Variants in CDH13 observed in about 807,000 individuals in gnomAD.
CDH13 encodes cadherin 13.
A neutral mutation model predicts 63.8 loss-of-function variants in CDH13; 24 were observed. That is an observed-to-expected ratio of 0.38 (90% CI 0.27 to 0.53). CDH13 has a LOEUF of 0.53. CDH13 is among the 20% of genes least tolerant of loss of function. The pLI is 0.85. For missense variants in CDH13, 1,049 were observed against 903.1 expected (o/e 1.16, Z -2.07); for synonymous variants, 503 against 355.3 (o/e 1.42, Z -4.67).
chr16:83,337,447 T>A (rs773778409), intron 5 of CDH13, among the ~76,000 whole-genome samples: 95 of 152,040 alleles, frequency 6.2e-4, no homozygotes, highest in Non-Finnish European at 1.2e-3. Context: ...GCTAACAACC[T>A]AGTGCCCATC....
chr16:82,889,365 C>A (rs540260887), intron 2 of CDH13, among the ~76,000 whole-genome samples: 30 of 151,932 alleles, frequency 2.0e-4, no homozygotes, highest in African/African-American at 7.2e-4. Context: ...TATCTAAAAT[C>A]TATCTATAAT....
intron 6 of CDH13, among the ~76,000 whole-genome samples, chr16:83,371,951 G>A (rs1158880019): frequency 2.0e-5 from 3 of 152,182 alleles, no homozygotes; most frequent in African/African-American, 4.8e-5. Context: ...CCCCCGGACC[G>A]TATATACAGA....
At chr16:82,849,437 G>T (rs984667797) in intron 1 of CDH13, among the ~76,000 whole-genome samples, 1 of 152,132 alleles carries the variant, frequency 6.6e-6, no homozygotes, top group Non-Finnish European at 1.5e-5. Context: ...GGGAGTAGGA[G>T]GTTTCAGTGA....
At chr16:83,248,315 C>A (rs1407448080) in intron 5 of CDH13, among the ~76,000 whole-genome samples, 1 of 152,052 alleles carries the variant, frequency 6.6e-6, no homozygotes, top group Non-Finnish European at 1.5e-5. Context: ...AAAATCCTAC[C>A]CTCTAGCTAT....
chr16:83,102,507 G>A (rs1016210989), intron 3 of CDH13, among the ~76,000 whole-genome samples: 1 of 152,138 alleles, frequency 6.6e-6, no homozygotes, highest in Non-Finnish European at 1.5e-5. Context: ...GAGTGCAGAT[G>A]ACATGAGATT....
intron 7 of CDH13, among the ~76,000 whole-genome samples, chr16:83,583,861 G>A (rs1409749755): frequency 6.6e-6 from 1 of 152,134 alleles, no homozygotes; most frequent in Admixed American, 6.5e-5. Flanking sequence ...AGGTTGCAGT[G>A]AGCTGAGATC....
intron 6 of CDH13, among the ~76,000 whole-genome samples, chr16:83,438,182 T>G (rs1183014759): frequency 6.6e-6 from 1 of 152,228 alleles, no homozygotes; most frequent in Non-Finnish European, 1.5e-5. Flanking sequence ...CAGGAGAGCC[T>G]GAGGGACTTG....
chr16:83,741,821 C>A (rs768267352), intron 10 of CDH13, among the ~76,000 whole-genome samples: 1 of 149,838 alleles, frequency 6.7e-6, no homozygotes, highest in Non-Finnish European at 1.5e-5. Flanking sequence ...ACGGCCCCAA[C>A]CCCTGGGCCA....
At chr16:83,472,364 T>C (rs1403846600) in intron 6 of CDH13, among the ~76,000 whole-genome samples, 1 of 152,210 alleles carries the variant, frequency 6.6e-6, no homozygotes, top group Non-Finnish European at 1.5e-5. Context: ...CAACCCAGAC[T>C]TTCTTTAACA....
At chr16:83,476,949 G>A (rs1048768577) in intron 6 of CDH13, among the ~76,000 whole-genome samples, 1 of 152,058 alleles carries the variant, frequency 6.6e-6, no homozygotes, top group Non-Finnish European at 1.5e-5. Flanking sequence ...AAAAGATTAA[G>A]TGGAATTTTT....
intron 5 of CDH13, among the ~76,000 whole-genome samples, chr16:83,234,715 C>G (rs566114266): frequency 3.3e-5 from 5 of 152,318 alleles, no homozygotes; most frequent in South Asian, 4.1e-4. Context: ...CTACCCCCAG[C>G]CCCTCTGGAG....
intron 1 of CDH13, among the ~76,000 whole-genome samples, chr16:82,680,205 G>T (rs1223403754): frequency 6.6e-6 from 1 of 152,196 alleles, no homozygotes; most frequent in African/African-American, 2.4e-5. Flanking sequence ...ACCAAGAGAG[G>T]GGAATGTGGG....
At chr16:83,092,271 A>G (rs546488621) in intron 3 of CDH13, among the ~76,000 whole-genome samples, 1 of 152,340 alleles carries the variant, frequency 6.6e-6, no homozygotes, top group South Asian at 2.1e-4. Context: ...CAAGTCCAGT[A>G]GGGTCTGCCT....
chr16:83,131,587 C>A (rs746895961), intron 4 of CDH13, among the ~76,000 whole-genome samples: 2 of 151,970 alleles, frequency 1.3e-5, no homozygotes, highest in African/African-American at 4.8e-5. Context: ...TTCTTGGGCC[C>A]GATTGATTGA....
intron 1 of CDH13, among the ~76,000 whole-genome samples, chr16:82,701,426 A>T (rs908596867): frequency 3.9e-5 from 6 of 152,124 alleles, no homozygotes; most frequent in Non-Finnish European, 7.3e-5. Context: ...ATGCATTGTC[A>T]TTCTGTCTTC....
intron 2 of CDH13, among the ~76,000 whole-genome samples, chr16:82,890,365 AC>A (rs1458912334): frequency 1.3e-5 from 2 of 152,174 alleles, no homozygotes; most frequent in African/African-American, 4.8e-5. Flanking sequence ...ATCACTCACC[AC>A]CATCTCCAGC....
chr16:82,905,111 C>T (rs577525328), intron 2 of CDH13, among the ~76,000 whole-genome samples: 1 of 152,268 alleles, frequency 6.6e-6, no homozygotes, highest in South Asian at 2.1e-4. Flanking sequence ...TAGGGGGAAG[C>T]AGAGGCAGTG....
At chr16:83,381,578 C>G (rs36108972) in intron 6 of CDH13, among the ~76,000 whole-genome samples, 23,427 of 151,920 alleles carry the variant, frequency 0.15, 2,129 homozygotes, top group African/African-American at 0.25. Flanking sequence ...TATTAAGCAG[C>G]AATTACCCTT....
At chr16:82,797,774 CGT>C (rs3046484) in intron 1 of CDH13, among the ~76,000 whole-genome samples, 14,066 of 145,260 alleles carry the variant, frequency 0.097, 737 homozygotes, top group East Asian at 0.23. Flanking sequence ...ACTTTAGGGC[CGT>C]GTGTGTGTGT....
Sources: gnomAD v4.1 joint callset for allele counts (sites outside exome capture counted in the v4.1 genomes callset) on GRCh38, gnomAD v4.1.1 for gene constraint, MANE v1.5 for transcripts, NCBI Gene and HGNC (gene_info 2026-07-23, HGNC 2026-07-21) for gene names.